Variants in GALNS observed in about 807,000 individuals in gnomAD.
The protein encoded by GALNS is galactosamine (N-acetyl)-6-sulfatase, also known as N-acetylgalactosamine-6-sulfatase.
Under a neutral mutation model 65.9 loss-of-function variants are expected in GALNS, and 65 were observed. That is an observed-to-expected ratio of 0.99 (90% CI 0.81 to 1.21). GALNS has a LOEUF of 1.21. Ranked by LOEUF, GALNS falls within the 50% of genes most tolerant of loss-of-function variation. GALNS has a pLI of 0.00. For missense variants in GALNS, 776 were observed against 700.7 expected (o/e 1.11, Z -1.21); for synonymous variants, 346 against 288.9 (o/e 1.20, Z -2.00).
chr16:88,838,173 TG>T (rs900064657), intron 4 of GALNS, among the ~76,000 whole-genome samples: 3 of 152,166 alleles, frequency 2.0e-5, no homozygotes, highest in Non-Finnish European at 2.9e-5. Flanking sequence ...GTGTCTCCTC[TG>T]GGTTTTCCAG....
chr16:88,826,930 C>G, intron 9 of GALNS, 92 bp from the exon 10 acceptor site: 3 of 1,448,480 alleles, frequency 2.1e-6, no homozygotes, highest in East Asian at 5.0e-5. Context: ...GCCCCGCTGC[C>G]CAGCTGGGTC....
Position 88,820,733 on chromosome 16 carries a change from G to A in GALNS, c.1364+1856C>T, listed in dbSNP as rs568244746. On this transcript the variant is annotated intron_variant, in intron 12 of 13. Coordinates refer to ENST00000268695, the MANE Select transcript of GALNS (RefSeq NM_000512.5). ...GGCTCCAGCAAACGCAACAGGCGGG[G>A]AGCAGTGGCCCTGAGGACCCCCCTG... Among the ~76,000 whole-genome samples, 271 of 152,360 alleles carry A rather than the reference G, an allele frequency of 1.8e-3. 2 individuals are homozygous for A. The highest frequency in any genetic ancestry group is 3.2e-3 in the Non-Finnish European group (221 of 68,022).
intron 10 of GALNS, among the ~76,000 whole-genome samples, chr16:88,826,065 G>C (rs1053217755): frequency 6.6e-6 from 1 of 152,028 alleles, no homozygotes; most frequent in Non-Finnish European, 1.5e-5. Flanking sequence ...GCAGAGCAGC[G>C]ACTTGGATGG....
intron 1 of GALNS, chr16:88,843,971 G>A (rs1219330161): frequency 2.0e-5 from 3 of 152,180 alleles, no homozygotes; most frequent in Non-Finnish European, 4.4e-5. Flanking sequence ...AGGCGGCTGA[G>A]TGGCTGCCGG....
In GALNS at chr16:88,818,126, T is replaced by C. The variant is rs1281515662; in HGVS notation, c.1365-2A>G. On this transcript the variant is annotated splice_acceptor_variant, in intron 12 of 13. Transcript: ENST00000268695. LOFTEE classifies it high-confidence loss of function. ...TCCTGGTACTCGGCGCTGGCAAAGC[T>C]GGGGACAGAGAGCTCTGGTCACACG... The C allele has an allele frequency of 1.9e-6, 3 of 1,571,836 alleles. No homozygotes were observed. The highest frequency in any genetic ancestry group is 2.7e-5 in the African/African-American group (2 of 74,656).
intron 1 of GALNS, among the ~76,000 whole-genome samples, chr16:88,851,008 C>CAT (rs1967483710): frequency 1.3e-5 from 2 of 152,364 alleles, no homozygotes; most frequent in Admixed American, 1.3e-4. Context: ...CCGAGGGCAA[C>CAT]GTCCCACACG....
rs537940901 is a variant in GALNS, at chr16:88,842,027, G to A, written c.245-56C>T. 124 of 1,495,428 alleles carry A rather than the reference G, an allele frequency of 8.3e-5. No individual in the cohort carries two copies. The African/African-American group carries it at 1.0e-3, about 12-fold the overall frequency. The allele number at this position is 1,495,428 out of a possible 1,614,324, so 92.6% of individuals were successfully genotyped here. A position where few individuals can be genotyped will look rare whatever the true frequency, so the allele number is the denominator to read the frequency against. ...ATAAGAAGGGTGTGGCTCAGACCCC[G>A]GGCGTCAACAAGAGCCCCAACGAGT... On this transcript the variant is annotated intron_variant, in intron 2 of 13. Transcript: ENST00000268695.
intron 1 of GALNS, among the ~76,000 whole-genome samples, chr16:88,848,579 A>AAAAAAAAGG (rs1303146923): frequency 6.6e-6 from 1 of 151,454 alleles, no homozygotes; most frequent in African/African-American, 2.4e-5. Flanking sequence ...CTGAAAAAAA[A>AAAAAAAAGG]AAAAAAAGGA....
At chr16:88,843,564 G>A (rs950010114) in intron 1 of GALNS, 1 of 234,898 alleles carries the variant, frequency 4.3e-6, no homozygotes, top group African/African-American at 2.2e-5. Context: ...TCAATCCTAT[G>A]ACTGGGCCCT....
At chr16:88,856,385 C>A (rs1186607671) in intron 1 of GALNS, 1 of 701,698 alleles carries the variant, frequency 1.4e-6, no homozygotes, top group Non-Finnish European at 2.6e-6. Flanking sequence ...CCCACCTTTC[C>A]CAAGAGTAGA....
intron 13 of GALNS, chr16:88,816,508 C>CCGGGCGGGGGGGGGGGGGGGGGGGGGGG: frequency 1.0e-6 from 1 of 983,272 alleles, no homozygotes; most frequent in Non-Finnish European, 1.2e-6. Flanking sequence ...TGAAACTTGC[C>CCGGGCGGGGGGGGGGGGGGGGGGGGGGG]AGGCACCCCC....
chr16:88,850,626 T>G (rs1967463350), intron 1 of GALNS, among the ~76,000 whole-genome samples: 1 of 152,012 alleles, frequency 6.6e-6, no homozygotes, highest in South Asian at 2.1e-4. Flanking sequence ...CTGCCATGAC[T>G]TACAACGGGG....
chr16:88,856,489 G>T (rs748776490), intron 1 of GALNS: 14 of 699,716 alleles, frequency 2.0e-5, no homozygotes, highest in South Asian at 1.8e-4. Context: ...GCAGCACAGT[G>T]GCAGCGCGTG....
intron 13 of GALNS, chr16:88,815,711 G>A (rs769543181): frequency 8.1e-6 from 8 of 985,368 alleles, no homozygotes; most frequent in Non-Finnish European, 9.6e-6. Context: ...AGGGTACTAA[G>A]GACAGTCTCC....
chr16:88,856,414 G>A (rs757086523), intron 1 of GALNS: 76 of 701,108 alleles, frequency 1.1e-4, no homozygotes, highest in African/African-American at 9.6e-4. Flanking sequence ...AAGGTCAGAC[G>A]GGGGAGGCAG....
chr16:88,856,241 C>T, intron 1 of GALNS: 5 of 703,050 alleles, frequency 7.1e-6, no homozygotes, highest in Non-Finnish European at 1.3e-5. Context: ...CAGAGACAGC[C>T]GTCAGGTAAG....
rs376693527 is a variant in GALNS, at chr16:88,831,234, T to A, written c.1002+764A>T. 2.5e-4 allele frequency among the ~76,000 whole-genome samples: 33 copies of A among 131,900 alleles called. No individual in the cohort carries two copies. The East Asian group carries it at 4.3e-3, about 17-fold the overall frequency. 86.5% of individuals were successfully genotyped at this position (131,900 alleles called of 152,430 possible). A position where few individuals can be genotyped will look rare whatever the true frequency, so the allele number is the denominator to read the frequency against. On this transcript the variant is annotated intron_variant, in intron 9 of 13. Transcript: ENST00000268695. ...GAGAGCGGTGAGGCCGAGCACGGGG[T>A]GCGTGGGGAGGAGAGCGGTGAGGCC...
At chr16:88,821,196 A>C (rs1358469397) in intron 12 of GALNS, among the ~76,000 whole-genome samples, 2 of 152,060 alleles carry the variant, frequency 1.3e-5, no homozygotes, top group African/African-American at 4.8e-5. Context: ...GCTGAAACCA[A>C]GGGTCTCAGG....
rs765989369 is a variant in GALNS at position 88,837,769 on chromosome 16, GA to G, written c.423-5del. On this transcript the variant is annotated splice_region_variant and splice_polypyrimidine_tract_variant and intron_variant, in intron 4 of 13. Coordinates refer to ENST00000268695, the MANE Select transcript of GALNS (RefSeq NM_000512.5). ...CTGGGGCCTGTGACCCAGATGCCTG[GA>G]AACAGGAACCCAGGACACTTCAGGG... 6.8e-6 allele frequency: 11 copies of G among 1,613,882 alleles called. No individual in the cohort carries two copies. The South Asian group carries it at 1.2e-4, about 18-fold the overall frequency.
Sources: gnomAD v4.1 joint callset for allele counts (sites outside exome capture counted in the v4.1 genomes callset) on GRCh38, gnomAD v4.1.1 for gene constraint, MANE v1.5 for transcripts, NCBI Gene and HGNC (gene_info 2026-07-23, HGNC 2026-07-21) for gene names.